The following TANK variants were observed in gnomAD, a reference collection of about 807,000 sequenced individuals.
The protein encoded by TANK is TRAF family member-associated NF-kappa-B activator.
TANK carries 15 observed loss-of-function variants against 43.6 expected under a neutral mutation model. The ratio of observed to expected loss-of-function variants is 0.34; its 90% confidence interval spans 0.23 to 0.53. The LOEUF (loss-of-function observed/expected upper bound fraction) is 0.53, where lower values mean the gene tolerates loss of function less well. Ranked by LOEUF, TANK falls within the 20% of genes least tolerant of loss-of-function variation. The pLI is 0.94. For synonymous variants in TANK, 162 were observed against 178.2 expected (o/e 0.91, Z 0.73); for missense variants, 417 against 498.6 (o/e 0.84, Z 1.56).
intron 1 of TANK, among the ~76,000 whole-genome samples, chr2:161,167,061 A>C (rs1043125072): frequency 4.6e-5 from 7 of 152,216 alleles, no homozygotes; most frequent in Non-Finnish European, 8.8e-5. Flanking sequence ...CTCTGGCAGA[A>C]CATTTACCCA....
chr2:161,141,208 AGTT>A (rs780350637), intron 1 of TANK, among the ~76,000 whole-genome samples: 3 of 152,182 alleles, frequency 2.0e-5, no homozygotes, highest in Non-Finnish European at 4.4e-5. Flanking sequence ...ACTATTAAGC[AGTT>A]GTTCTGCATT....
intron 2 of TANK, among the ~76,000 whole-genome samples, chr2:161,196,250 G>A (rs1686143419): frequency 6.6e-6 from 1 of 152,178 alleles, no homozygotes; most frequent in Non-Finnish European, 1.5e-5. Flanking sequence ...AGAGAGGAGA[G>A]ATGAGAGGGA....
chr2:161,144,876 T>A (rs1683859406), intron 1 of TANK, among the ~76,000 whole-genome samples: 1 of 152,174 alleles, frequency 6.6e-6, no homozygotes, highest in Non-Finnish European at 1.5e-5. Flanking sequence ...CTCGTTGATC[T>A]GTCTAATATT....
At chr2:161,192,526 G>A (rs1239289815) in intron 2 of TANK, among the ~76,000 whole-genome samples, 1 of 152,048 alleles carries the variant, frequency 6.6e-6, no homozygotes, top group Admixed American at 6.6e-5. Context: ...CCACCATGCT[G>A]TTAAATTGTT....
At chr2:161,203,405 T>C (rs1686507203) in intron 2 of TANK, 82 bp from the exon 3 acceptor site, 1 of 915,316 alleles carries the variant, frequency 1.1e-6, no homozygotes, top group Non-Finnish European at 1.7e-6. Flanking sequence ...GCAACTCATA[T>C]CTATTTATAT....
intron 1 of TANK, among the ~76,000 whole-genome samples, chr2:161,141,784 G>A (rs1357952952): frequency 1.3e-5 from 2 of 152,018 alleles, no homozygotes; most frequent in Admixed American, 6.6e-5. Flanking sequence ...AGTGCTGCAC[G>A]AAACATATGT....
intron 7 of TANK, among the ~76,000 whole-genome samples, chr2:161,234,883 G>A (rs1188804643): frequency 2.6e-5 from 4 of 152,150 alleles, no homozygotes; most frequent in African/African-American, 4.8e-5. Context: ...CTTATAAACA[G>A]TAGTGAAATT....
chr2:161,197,161 G>A (rs1175420207), intron 2 of TANK, among the ~76,000 whole-genome samples: 1 of 152,152 alleles, frequency 6.6e-6, no homozygotes, highest in Non-Finnish European at 1.5e-5. Context: ...GTACGTACTT[G>A]TACATTATTT....
At chr2:161,188,781 C>T (rs1685781827) in intron 2 of TANK, among the ~76,000 whole-genome samples, 1 of 152,186 alleles carries the variant, frequency 6.6e-6, no homozygotes, top group Admixed American at 6.5e-5. Flanking sequence ...GCCTCCAAAA[C>T]TCATGTTGAA....
At chr2:161,196,520 C>T (rs1686157394) in intron 2 of TANK, among the ~76,000 whole-genome samples, 1 of 152,092 alleles carries the variant, frequency 6.6e-6, no homozygotes, top group Non-Finnish European at 1.5e-5. Flanking sequence ...CAAATCTTAG[C>T]TCTACTATCT....
At chr2:161,183,207 C>T (rs1685508162) in intron 2 of TANK, among the ~76,000 whole-genome samples, 1 of 152,088 alleles carries the variant, frequency 6.6e-6, no homozygotes, top group African/African-American at 2.4e-5. Flanking sequence ...TTGTGAGTCT[C>T]CTCTTGGTTT....
At chr2:161,148,799 G>A (rs991068086) in intron 1 of TANK, among the ~76,000 whole-genome samples, 1 of 152,082 alleles carries the variant, frequency 6.6e-6, no homozygotes, top group Non-Finnish European at 1.5e-5. Context: ...AATGGTCTTG[G>A]CACCCTTATA....
intron 2 of TANK, among the ~76,000 whole-genome samples, chr2:161,195,420 A>T (rs1686102110): frequency 6.6e-6 from 1 of 152,220 alleles, no homozygotes; most frequent in African/African-American, 2.4e-5. Flanking sequence ...AGAGAAGATT[A>T]TCATTATATA....
At chr2:161,176,895 G>A (rs557328056) in intron 1 of TANK, among the ~76,000 whole-genome samples, 3 of 152,124 alleles carry the variant, frequency 2.0e-5, no homozygotes, top group African/African-American at 7.2e-5. Flanking sequence ...TAGCTTAGCC[G>A]CTTAGCTACT....
intron 4 of TANK, among the ~76,000 whole-genome samples, chr2:161,221,056 A>G (rs1687318980): frequency 6.6e-6 from 1 of 152,180 alleles, no homozygotes; most frequent in Admixed American, 6.5e-5. Flanking sequence ...AAATTTAAGG[A>G]AACATTTTAC....
chr2:161,141,126 C>T (rs1683735027), intron 1 of TANK, among the ~76,000 whole-genome samples: 1 of 152,108 alleles, frequency 6.6e-6, no homozygotes, highest in Admixed American at 6.6e-5. Context: ...ATTCAGTACA[C>T]TGACAATGTT....
chr2:161,181,620 G>C (rs930956650), intron 2 of TANK, among the ~76,000 whole-genome samples: 3 of 152,078 alleles, frequency 2.0e-5, no homozygotes, highest in Non-Finnish European at 4.4e-5. Flanking sequence ...GAGCAAGGAG[G>C]GGGGGATGTG....
At chr2:161,196,177 T>C (rs1472769390) in intron 2 of TANK, among the ~76,000 whole-genome samples, 2 of 152,192 alleles carry the variant, frequency 1.3e-5, no homozygotes, top group Non-Finnish European at 2.9e-5. Flanking sequence ...GCTTTCTGTA[T>C]AGATAAGAGC....
At chr2:161,174,405 TATATATA>T (rs1442076660) in intron 1 of TANK, among the ~76,000 whole-genome samples, 2 of 152,182 alleles carry the variant, frequency 1.3e-5, no homozygotes, top group South Asian at 2.1e-4. Context: ...CAGGACACTC[TATATATA>T]AAGTTTACTC....
Sources: gnomAD v4.1 joint callset for allele counts (sites outside exome capture counted in the v4.1 genomes callset) on GRCh38, gnomAD v4.1.1 for gene constraint, MANE v1.5 for transcripts, NCBI Gene and HGNC (gene_info 2026-07-23, HGNC 2026-07-21) for gene names.